The following MYO3B variants were observed in gnomAD, a reference collection of about 807,000 sequenced individuals.
MYO3B encodes the protein myosin IIIB.
A neutral mutation model predicts 174.6 loss-of-function variants in MYO3B; 156 were observed. The observed-to-expected ratio is 0.89, with a 90% CI of 0.78 to 1.02. The LOEUF is 1.02. MYO3B is among the 50% of genes least tolerant of loss of function. The pLI, the probability that MYO3B is intolerant of heterozygous loss-of-function variation, is 0.00. For synonymous variants in MYO3B, 563 were observed against 569.1 expected, an observed-to-expected ratio of 0.99 and a Z score of 0.15; for missense variants, 1,632 against 1,639.4, an observed-to-expected ratio of 1.00 and a Z score of 0.08.
intron 30 of MYO3B, chr2:170,519,806 C>A: frequency 3.3e-6 from 1 of 303,854 alleles, no homozygotes; most frequent in Non-Finnish European, 6.3e-6. Context: ...AACCCCGCCT[C>A]TACTAAAAAT....
chr2:170,607,552 T>C (rs939575901), intron 32 of MYO3B, among the ~76,000 whole-genome samples: 1 of 152,186 alleles, frequency 6.6e-6, no homozygotes, highest in East Asian at 1.9e-4. Flanking sequence ...CATTCCTGAA[T>C]TCAGCAGTGT....
chr2:170,513,107 A>C (rs892491653), intron 28 of MYO3B, among the ~76,000 whole-genome samples: 8 of 152,188 alleles, frequency 5.3e-5, no homozygotes, highest in African/African-American at 1.7e-4. Flanking sequence ...CAGCCAAATC[A>C]AGCTGAAAGT....
At chr2:170,638,731 A>G (rs576543678) in intron 32 of MYO3B, among the ~76,000 whole-genome samples, 24 of 152,368 alleles carry the variant, frequency 1.6e-4, no homozygotes, top group African/African-American at 5.5e-4. Flanking sequence ...CAAGGAGAGC[A>G]GCTCAGAATC....
intron 7 of MYO3B, among the ~76,000 whole-genome samples, chr2:170,310,391 A>C (rs1451745457): frequency 6.6e-6 from 1 of 152,142 alleles, no homozygotes; most frequent in Non-Finnish European, 1.5e-5. Context: ...GGCTGTGCGC[A>C]GTGGCTCATG....
chr2:170,296,625 A>G (rs1235121263), intron 7 of MYO3B, among the ~76,000 whole-genome samples: 1 of 152,172 alleles, frequency 6.6e-6, no homozygotes, highest in Non-Finnish European at 1.5e-5. Flanking sequence ...TATTGCCCAA[A>G]GGAGAGCAAA....
At chr2:170,329,023 G>T (rs773480464) in intron 7 of MYO3B, among the ~76,000 whole-genome samples, 3 of 151,964 alleles carry the variant, frequency 2.0e-5, no homozygotes, top group African/African-American at 4.8e-5. Flanking sequence ...ATGATGGCAG[G>T]TGTCTGTAAT....
intron 7 of MYO3B, among the ~76,000 whole-genome samples, chr2:170,268,767 A>C (rs2093403229): frequency 6.6e-6 from 1 of 152,142 alleles, no homozygotes; most frequent in South Asian, 2.1e-4. Flanking sequence ...ATAACAGATA[A>C]AAATTAATAT....
intron 16 of MYO3B, among the ~76,000 whole-genome samples, chr2:170,399,269 G>A (rs59295288): frequency 0.28 from 14,674 of 52,444 alleles, 4,091 homozygotes; most frequent in East Asian, 0.51. Flanking sequence ...AAAAAAAAGA[G>A]AGAGACCAGT....
intron 16 of MYO3B, among the ~76,000 whole-genome samples, chr2:170,394,878 G>A (rs1353059263): frequency 1.3e-5 from 2 of 152,322 alleles, no homozygotes; most frequent in South Asian, 2.1e-4. Context: ...TCAGGAAACA[G>A]ATGCCAAATG....
At chr2:170,244,131 T>C (rs553530813) in intron 7 of MYO3B, among the ~76,000 whole-genome samples, 24 of 152,190 alleles carry the variant, frequency 1.6e-4, no homozygotes, top group Non-Finnish European at 3.4e-4. Flanking sequence ...TCAGTTTTTG[T>C]GGTGGTTTTG....
intron 22 of MYO3B, among the ~76,000 whole-genome samples, chr2:170,415,125 G>A (rs2094570022): frequency 6.6e-6 from 1 of 152,186 alleles, no homozygotes; most frequent in Non-Finnish European, 1.5e-5. Flanking sequence ...GGATAAAAGT[G>A]GTGAGAGGAG....
In MYO3B at chr2:170,465,314, A is replaced by T. The variant is rs974650069; in HGVS notation, c.2809-1192A>T. ...TAGAGCAGGCGTGTTACATGGCAAG[A>T]GAGGGAGGAATGGAGAGAGAACAAG... On this transcript the variant is annotated intron_variant, in intron 24 of 34. Coordinates refer to ENST00000408978, the MANE Select transcript of MYO3B (RefSeq NM_138995.5). Among the ~76,000 whole-genome samples the T allele has an allele frequency of 4.6e-5, 7 of 152,248 alleles. No individual in the cohort carries two copies. In the South Asian group the frequency reaches 8.3e-4, roughly 18 times the overall value.
chr2:170,540,391 T>A (rs1044846654), intron 30 of MYO3B, among the ~76,000 whole-genome samples: 4 of 152,160 alleles, frequency 2.6e-5, no homozygotes, highest in Non-Finnish European at 5.9e-5. Flanking sequence ...TGCCTGGTGG[T>A]ATGTATCCAT....
intron 5 of MYO3B, 114 bp from the exon 6 acceptor site, chr2:170,217,205 A>G (rs2092838884): frequency 1.2e-6 from 1 of 845,062 alleles, no homozygotes; most frequent in African/African-American, 1.7e-5. Flanking sequence ...GACAGAGACC[A>G]TATGGCCCAC....
At chr2:170,602,151 C>T (rs1226465175) in intron 32 of MYO3B, 5 of 1,228,174 alleles carry the variant, frequency 4.1e-6, no homozygotes, top group Non-Finnish European at 6.0e-6. Flanking sequence ...TCTTCTTACA[C>T]TCCTCCCGAC....
At chr2:170,403,726 A>G (rs1245102425) in intron 19 of MYO3B, among the ~76,000 whole-genome samples, 1 of 152,210 alleles carries the variant, frequency 6.6e-6, no homozygotes, top group Non-Finnish European at 1.5e-5. Flanking sequence ...AGACACAAAG[A>G]CATTTAGTGA....
chr2:170,412,391 T>G (rs2094551723), intron 22 of MYO3B: 1 of 152,256 alleles, frequency 6.6e-6, no homozygotes, highest in African/African-American at 2.4e-5. Context: ...GAACATTCTC[T>G]GAACCTCAAA....
intron 22 of MYO3B, among the ~76,000 whole-genome samples, chr2:170,408,178 G>C (rs1219289387): frequency 6.6e-6 from 1 of 152,138 alleles, no homozygotes; most frequent in Non-Finnish European, 1.5e-5. Context: ...ATCTAGGATA[G>C]TCTCAGTTTA....
At chr2:170,270,340 G>A (rs1005356298) in intron 7 of MYO3B, among the ~76,000 whole-genome samples, 1 of 152,158 alleles carries the variant, frequency 6.6e-6, no homozygotes, top group African/African-American at 2.4e-5. Context: ...TAGTACTAGA[G>A]TTTGGATGAG....
Sources: gnomAD v4.1 joint callset for allele counts (sites outside exome capture counted in the v4.1 genomes callset) on GRCh38, gnomAD v4.1.1 for gene constraint, MANE v1.5 for transcripts, NCBI Gene and HGNC (gene_info 2026-07-23, HGNC 2026-07-21) for gene names.